Variants in JMJD1C observed in about 807,000 individuals in gnomAD.
JMJD1C encodes the protein jumonji domain-containing protein 1C.
In JMJD1C, 31 loss-of-function variants were observed where a neutral mutation model predicts 245.3. The ratio of observed to expected loss-of-function variants is 0.13; its 90% CI spans 0.09 to 0.17. The LOEUF (loss-of-function observed/expected upper bound fraction) is 0.17. Ranked by LOEUF, JMJD1C falls within the 10% of genes least tolerant of loss-of-function variation. The pLI, the probability that JMJD1C is intolerant of heterozygous loss-of-function variation, is 1.00. For synonymous variants in JMJD1C, 1,057 were observed against 1,017.4 expected (o/e 1.04, Z -0.74); for missense variants, 2,691 against 3,000.2 (o/e 0.90, Z 2.41).
At chr10:63,376,237 TA>T (rs1012890418) in intron 2 of JMJD1C, among the ~76,000 whole-genome samples, 2 of 151,960 alleles carry the variant, frequency 1.3e-5, no homozygotes, top group Non-Finnish European at 2.9e-5. Context: ...CATCTACACG[TA>T]AAAAAAAGCT....
intron 24 of JMJD1C, 39 bp from the exon 25 acceptor site, chr10:63,168,605 G>C (rs1394911343): frequency 6.6e-7 from 1 of 1,520,742 alleles, no homozygotes; most frequent in Non-Finnish European, 8.8e-7. Context: ...CAAGTTTTAG[G>C]AGGTGGAGCA....
intron 3 of JMJD1C, among the ~76,000 whole-genome samples, chr10:63,259,938 A>T (rs1337942376): frequency 6.6e-6 from 1 of 152,064 alleles, no homozygotes; most frequent in Non-Finnish European, 1.5e-5. Context: ...TTTCACTCTT[A>T]TTGCCCAGGC....
chr10:63,254,175 A>G (rs4405189), intron 3 of JMJD1C, among the ~76,000 whole-genome samples: 64,438 of 151,804 alleles, frequency 0.42, 14,293 homozygotes, highest in South Asian at 0.53. Flanking sequence ...CAGAATACCC[A>G]TATGCACAAC....
intron 2 of JMJD1C, among the ~76,000 whole-genome samples, chr10:63,307,345 T>C (rs1186623529): frequency 6.6e-6 from 1 of 152,198 alleles, no homozygotes; most frequent in South Asian, 2.1e-4. Flanking sequence ...ATCACACATA[T>C]TAAAAATAAG....
chr10:63,437,959 T>TA (rs1013477616), intron 1 of JMJD1C, among the ~76,000 whole-genome samples: 1 of 152,182 alleles, frequency 6.6e-6, no homozygotes, highest in Non-Finnish European at 1.5e-5. Context: ...TGCTCCAGGG[T>TA]TTAACACTTA....
At chr10:63,183,279 T>C (rs1843707912) in intron 22 of JMJD1C, among the ~76,000 whole-genome samples, 168 bp downstream of exon 22, 1 of 152,174 alleles carries the variant, frequency 6.6e-6, no homozygotes, top group African/African-American at 2.4e-5. Context: ...TAAAAAGAAA[T>C]AGGAAAATTA....
chr10:63,278,423 G>C (rs917640095), intron 2 of JMJD1C, among the ~76,000 whole-genome samples: 13 of 151,424 alleles, frequency 8.6e-5, no homozygotes, highest in Non-Finnish European at 4.4e-5. Flanking sequence ...CTACTTGGGA[G>C]GCTGAGGCAG....
chr10:63,199,874 G>A (rs901406391), intron 11 of JMJD1C, among the ~76,000 whole-genome samples: 12 of 152,158 alleles, frequency 7.9e-5, no homozygotes, highest in Admixed American at 2.0e-4. Flanking sequence ...TTTCATATGC[G>A]CATGGGACTA....
At chr10:63,410,073 T>G (rs1032189547) in intron 1 of JMJD1C, among the ~76,000 whole-genome samples, 7 of 152,154 alleles carry the variant, frequency 4.6e-5, no homozygotes, top group African/African-American at 1.4e-4. Flanking sequence ...TATTAAAAGA[T>G]CTCACTGCCC....
intron 2 of JMJD1C, among the ~76,000 whole-genome samples, chr10:63,266,920 G>A (rs1000104638): frequency 6.6e-6 from 1 of 152,062 alleles, no homozygotes; most frequent in Non-Finnish European, 1.5e-5. Context: ...AGTTCTAAGG[G>A]TAAATTTCAA....
chr10:63,232,458 T>C (rs1329159534), intron 3 of JMJD1C, among the ~76,000 whole-genome samples: 3 of 152,200 alleles, frequency 2.0e-5, no homozygotes, highest in Non-Finnish European at 2.9e-5. Flanking sequence ...TGGTTAATAA[T>C]TCATTTCAGA....
At chr10:63,182,659 G>GAAT (rs966731396) in intron 22 of JMJD1C, among the ~76,000 whole-genome samples, 1 of 152,140 alleles carries the variant, frequency 6.6e-6, no homozygotes, top group African/African-American at 2.4e-5. Context: ...GTAAAGAAGG[G>GAAT]AATAACTGAC....
In JMJD1C at chr10:63,327,673, T is replaced by A. The variant is rs534880489; in HGVS notation, c.333+52645A>T. ...CTGTATCAAGGGTACACAGAAAAAA[T>A]TTTTTTTTTTTTGAGATGGAGTTTC... On this transcript the variant is annotated intron_variant, in intron 2 of 25. Transcript: ENST00000399262. 4.2e-3 allele frequency among the ~76,000 whole-genome samples: 624 copies of A among 149,908 alleles called. 3 individuals carry two copies. Among genetic ancestry groups the A allele is most frequent in the Middle Eastern group, 0.021 (6 of 292 alleles).
Position 63,465,525 on chromosome 10 carries a change from T to A in JMJD1C, c.138A>T (p.Ser46=). 2 of 1,606,210 alleles carry A rather than the reference T, an allele frequency of 1.2e-6. No homozygotes were observed. The highest frequency in any genetic ancestry group is 1.7e-6 in the Non-Finnish European group (2 of 1,178,570). ...SWRAGVIRAV[S]HRDSRNPDLA... ...GGTCCGGATTGCGGCTGTCCCTGTGTGACACGGCTCGGATGACCCCCGCTC... is the reference window on the plus strand; with the variant it reads ...GGTCCGGATTGCGGCTGTCCCTGTGAGACACGGCTCGGATGACCCCCGCTC... The change falls in exon 1 of 26, where the codon TCA becomes TCT. Residue 46 remains serine (S), a synonymous_variant. Coordinates refer to ENST00000399262, the MANE Select transcript of JMJD1C (RefSeq NM_032776.3).
At chr10:63,224,154 T>C (rs1848970562) in intron 3 of JMJD1C, among the ~76,000 whole-genome samples, 1 of 152,190 alleles carries the variant, frequency 6.6e-6, no homozygotes, top group African/African-American at 2.4e-5. Context: ...CTAGCGGAAA[T>C]AGCATACCAT....
intron 1 of JMJD1C, 28 bp downstream of exon 1, chr10:63,465,467 G>A (rs754078440): frequency 1.6e-5 from 25 of 1,570,474 alleles, no homozygotes; most frequent in Non-Finnish European, 1.9e-5. Context: ...GGCGCGGCAG[G>A]GGAAAAGGGG....
intron 24 of JMJD1C, among the ~76,000 whole-genome samples, chr10:63,173,814 G>T (rs958905074): frequency 1.5e-5 from 2 of 137,706 alleles, no homozygotes; most frequent in Admixed American, 1.4e-4. Context: ...TCAGATAAAA[G>T]ACATTATCAG....
At chr10:63,186,138 A>G (rs1267271544) in intron 19 of JMJD1C, 77 bp downstream of exon 19, 5 of 1,155,826 alleles carry the variant, frequency 4.3e-6, no homozygotes, top group Non-Finnish European at 6.2e-6. Flanking sequence ...AAGACTAAAA[A>G]TCTGTTAAGT....
At chr10:63,309,114 C>T (rs991467439) in intron 2 of JMJD1C, among the ~76,000 whole-genome samples, 25 of 152,234 alleles carry the variant, frequency 1.6e-4, no homozygotes, top group African/African-American at 5.8e-4. Context: ...AAACCTCAAG[C>T]ACCATATCTC....
Sources: gnomAD v4.1 joint callset for allele counts (sites outside exome capture counted in the v4.1 genomes callset) on GRCh38, gnomAD v4.1.1 for gene constraint, MANE v1.5 for transcripts, NCBI Gene and HGNC (gene_info 2026-07-23, HGNC 2026-07-21) for gene names.